The following UBE2H variants were observed in gnomAD, a reference collection of about 807,000 sequenced individuals.
UBE2H encodes ubiquitin-conjugating enzyme E2 H.
UBE2H carries 3 observed loss-of-function variants against 29.0 expected under a neutral mutation model. The observed-to-expected ratio is 0.10, with a 90% CI of 0.05 to 0.27. The LOEUF is 0.27. Among genes scored for constraint, UBE2H ranks in the 10% least tolerant of loss-of-function variants. The pLI, the probability that UBE2H is intolerant of heterozygous loss-of-function variation, is 1.00. For missense variants in UBE2H, 68 were observed against 228.2 expected, an observed-to-expected ratio of 0.30 and a Z score of 4.52; for synonymous variants, 69 against 82.9, an observed-to-expected ratio of 0.83 and a Z score of 0.91.
chr7:129,871,498 T>C (rs1225307400), intron 3 of UBE2H, among the ~76,000 whole-genome samples: 1 of 152,176 alleles, frequency 6.6e-6, no homozygotes, highest in Non-Finnish European at 1.5e-5. Flanking sequence ...GCAGATCACC[T>C]GAGGTCAGGA....
intron 1 of UBE2H, among the ~76,000 whole-genome samples, chr7:129,942,839 G>T (rs1162773674): frequency 6.6e-6 from 1 of 151,538 alleles, no homozygotes; most frequent in Non-Finnish European, 1.5e-5. Flanking sequence ...AAAGTGTAAT[G>T]TGTTTTTTTT....
At chr7:129,884,417 A>C (rs1272920773) in intron 1 of UBE2H, among the ~76,000 whole-genome samples, 2 of 123,748 alleles carry the variant, frequency 1.6e-5, no homozygotes, top group Non-Finnish European at 3.5e-5. Context: ...ACTCCATCTC[A>C]AAAAAAAAAA....
intron 1 of UBE2H, among the ~76,000 whole-genome samples, chr7:129,905,283 T>A (rs1806793320): frequency 6.6e-6 from 1 of 151,804 alleles, no homozygotes; most frequent in African/African-American, 2.4e-5. Flanking sequence ...AGGTTTCTGG[T>A]CACAACAGAT....
chr7:129,913,666 C>T (rs952655635), intron 1 of UBE2H, among the ~76,000 whole-genome samples: 3 of 152,126 alleles, frequency 2.0e-5, no homozygotes, highest in African/African-American at 7.2e-5. Context: ...TAACTGGGTG[C>T]AGTGGCATGC....
At chr7:129,892,558 AC>A (rs1806519245) in intron 1 of UBE2H, among the ~76,000 whole-genome samples, 1 of 152,044 alleles carries the variant, frequency 6.6e-6, no homozygotes, top group African/African-American at 2.4e-5. Context: ...AGCCAACTAC[AC>A]CCTTTCTTGA....
At chr7:129,846,240 G>A (rs1226903356) in intron 5 of UBE2H, among the ~76,000 whole-genome samples, 1 of 152,058 alleles carries the variant, frequency 6.6e-6, no homozygotes, top group Non-Finnish European at 1.5e-5. Flanking sequence ...GGGCAAGGTG[G>A]TTCATGTCTG....
At chr7:129,923,206 C>T (rs1382761307) in intron 1 of UBE2H, among the ~76,000 whole-genome samples, 1 of 152,170 alleles carries the variant, frequency 6.6e-6, no homozygotes, top group Non-Finnish European at 1.5e-5. Context: ...AAACAAGAAA[C>T]TTAATATTGC....
chr7:129,918,100 C>T (rs1333806227), intron 1 of UBE2H, among the ~76,000 whole-genome samples: 1 of 152,208 alleles, frequency 6.6e-6, no homozygotes, highest in Non-Finnish European at 1.5e-5. Flanking sequence ...ACTTTCATGT[C>T]TTAAAGCAAG....
chr7:129,944,752 G>GCACA (rs1339923145), intron 1 of UBE2H, among the ~76,000 whole-genome samples: 3 of 80,434 alleles, frequency 3.7e-5, no homozygotes, highest in African/African-American at 1.1e-4. Context: ...ACACACACAC[G>GCACA]CACGCACGCA....
At chr7:129,875,460 G>A (rs1806127900) in intron 3 of UBE2H, among the ~76,000 whole-genome samples, 1 of 152,058 alleles carries the variant, frequency 6.6e-6, no homozygotes, top group Admixed American at 6.6e-5. Flanking sequence ...TCTTTTGACA[G>A]TGCACATTTC....
At chr7:129,913,415 AT>A (rs1806979640) in intron 1 of UBE2H, among the ~76,000 whole-genome samples, 1 of 152,144 alleles carries the variant, frequency 6.6e-6, no homozygotes, top group Admixed American at 6.5e-5. Flanking sequence ...TCCAGAAAGC[AT>A]TCACCTTGAC....
chr7:129,944,111 CTTTGGGAGG>C (rs1807704150), intron 1 of UBE2H, among the ~76,000 whole-genome samples: 2 of 115,784 alleles, frequency 1.7e-5, no homozygotes, highest in Non-Finnish European at 4.2e-5. Flanking sequence ...AATCCCAGCA[CTTTGGGAGG>C]CCACGGTGGG....
At chr7:129,921,580 T>G (rs898070159) in intron 1 of UBE2H, among the ~76,000 whole-genome samples, 2 of 150,894 alleles carry the variant, frequency 1.3e-5, no homozygotes, top group Non-Finnish European at 2.9e-5. Context: ...ACGTCTGTGG[T>G]CCCAGCTACT....
intron 1 of UBE2H, among the ~76,000 whole-genome samples, chr7:129,939,647 A>G (rs1226095543): frequency 6.6e-6 from 1 of 152,220 alleles, no homozygotes; most frequent in African/African-American, 2.4e-5. Flanking sequence ...TGTCTATGCA[A>G]CATAGTCATC....
chr7:129,946,754 T>G (rs62489379), intron 1 of UBE2H, among the ~76,000 whole-genome samples: 19,535 of 152,250 alleles, frequency 0.13, 1,594 homozygotes, highest in East Asian at 0.31. Context: ...GAACTAGGAT[T>G]ACAGGTGACT....
chr7:129,854,060 G>GGTTTTTTTTTTTTTTTTATTTT (rs1554430936), intron 5 of UBE2H, among the ~76,000 whole-genome samples: 8 of 100,308 alleles, frequency 8.0e-5, no homozygotes, highest in Admixed American at 1.1e-4. Flanking sequence ...TTTAGTGTTA[G>GGTTTTTTTTTTTTTTTTATTTT]TTTTTTTTTT....
chr7:129,924,056 A>C (rs1267197073), intron 1 of UBE2H, among the ~76,000 whole-genome samples: 1 of 152,222 alleles, frequency 6.6e-6, no homozygotes, highest in African/African-American at 2.4e-5. Flanking sequence ...GCAGATTATG[A>C]ACACTGGATA....
intron 1 of UBE2H, among the ~76,000 whole-genome samples, chr7:129,942,499 A>G (rs1807668343): frequency 6.6e-6 from 1 of 152,160 alleles, no homozygotes; most frequent in African/African-American, 2.4e-5. Context: ...CACACACACA[A>G]AAATTCCAGG....
chr7:129,930,416 G>T (rs1243917421), intron 1 of UBE2H, among the ~76,000 whole-genome samples: 5 of 152,054 alleles, frequency 3.3e-5, no homozygotes. Context: ...TGCCCACCTT[G>T]GCCTCCCAAA....
Sources: gnomAD v4.1 joint callset for allele counts (sites outside exome capture counted in the v4.1 genomes callset) on GRCh38, gnomAD v4.1.1 for gene constraint, MANE v1.5 for transcripts, NCBI Gene and HGNC (gene_info 2026-07-23, HGNC 2026-07-21) for gene names.